The following XKR6 variants were observed in gnomAD, a reference collection of about 807,000 sequenced individuals.
The protein encoded by XKR6 is XK related 6.
In XKR6, 22 loss-of-function variants were observed where a neutral mutation model predicts 56.7. That is an observed-to-expected ratio of 0.39 (90% confidence interval 0.28 to 0.55). The LOEUF (loss-of-function observed/expected upper bound fraction) is 0.55, where lower values mean the gene tolerates loss of function less well. Ranked by LOEUF, XKR6 falls within the 20% of genes least tolerant of loss-of-function variation. XKR6 has a pLI of 0.66. For missense variants in XKR6, 852 were observed against 889.0 expected (o/e 0.96, Z 0.53); for synonymous variants, 524 against 387.8 (o/e 1.35, Z -4.13).
chr8:10,952,479 G>A (rs1439781115), intron 1 of XKR6, among the ~76,000 whole-genome samples: 3 of 152,086 alleles, frequency 2.0e-5, no homozygotes, highest in Non-Finnish European at 4.4e-5. Flanking sequence ...TTTGAGACAG[G>A]GTCTCATTCT....
intron 1 of XKR6, among the ~76,000 whole-genome samples, chr8:11,159,562 C>T (rs576496681): frequency 6.6e-6 from 1 of 152,340 alleles, no homozygotes; most frequent in Admixed American, 6.5e-5. Context: ...TCAGCAGCAT[C>T]AGCTTCAATC....
At chr8:10,928,869 C>A (rs28566988) in intron 1 of XKR6, among the ~76,000 whole-genome samples, 22,929 of 152,274 alleles carry the variant, frequency 0.15, 2,016 homozygotes, top group Non-Finnish European at 0.2. Context: ...CAACTCTTCT[C>A]CCGGACTTGC....
At chr8:10,992,182 G>A (rs1798008355) in intron 1 of XKR6, among the ~76,000 whole-genome samples, 1 of 152,150 alleles carries the variant, frequency 6.6e-6, no homozygotes, top group Non-Finnish European at 1.5e-5. Flanking sequence ...GCTGTCAAAT[G>A]TTTTTAAAGG....
intron 1 of XKR6, among the ~76,000 whole-genome samples, chr8:11,042,401 C>T (rs988004699): frequency 6.6e-6 from 1 of 152,054 alleles, no homozygotes; most frequent in African/African-American, 2.4e-5. Context: ...CAGATTTTTC[C>T]CGTGCTATTC....
At chr8:11,014,048 G>C (rs1335694796) in intron 1 of XKR6, among the ~76,000 whole-genome samples, 1 of 152,206 alleles carries the variant, frequency 6.6e-6, no homozygotes, top group Non-Finnish European at 1.5e-5. Flanking sequence ...GGATTTGTTA[G>C]GCTCTCTAGA....
At chr8:11,061,031 G>A (rs1049249567) in intron 1 of XKR6, among the ~76,000 whole-genome samples, 38 of 152,154 alleles carry the variant, frequency 2.5e-4, no homozygotes, top group Admixed American at 9.8e-4. Context: ...TGAAGCCAAC[G>A]TCTACCTAGG....
intron 1 of XKR6, among the ~76,000 whole-genome samples, chr8:10,946,325 C>T (rs1049548531): frequency 2.0e-5 from 3 of 152,030 alleles, no homozygotes; most frequent in South Asian, 2.1e-4. Flanking sequence ...CACACTCCAC[C>T]GGGGGCTTTG....
rs989442144 is a variant in XKR6, at chr8:10,898,205, G to A, written c.1673C>T (p.Thr558Ile). 2 of 1,614,030 alleles carry A rather than the reference G, an allele frequency of 1.2e-6. No homozygotes were observed. Among genetic ancestry groups the A allele is most frequent in the African/African-American group, 1.3e-5 (1 of 74,920 alleles). ...TCTCACTTGGAAAACAGGCAAGCAA[G>A]TGTCAGCCGTGAGATCCTCCTGTTG... ...TEQQEDLTADTCLPVFQVRPM... is the reference protein window; with the variant it reads ...TEQQEDLTADICLPVFQVRPM... Residue 558 changes from threonine (T) to isoleucine (I), a missense_variant, in exon 3 of 3, where the codon ACT (threonine) becomes ATT (isoleucine). This residue lies in a region of XKR6 where 197 missense variants were observed against 190.9 expected (regional missense o/e 1.03). Transcript: ENST00000416569. The surrounding 1 kb of genome is among the most constrained non-coding windows in gnomAD (Gnocchi z 6.6).
intron 1 of XKR6, among the ~76,000 whole-genome samples, chr8:11,182,630 G>C (rs2898267): frequency 2.0e-5 from 3 of 152,154 alleles, no homozygotes; most frequent in African/African-American, 7.2e-5. Context: ...AAAAGATTTT[G>C]TTTGTTCGTT....
intron 1 of XKR6, chr8:11,035,228 GACA>G (rs1563359185): frequency 1.9e-6 from 1 of 534,776 alleles, no homozygotes; most frequent in Admixed American, 1.9e-5. Flanking sequence ...TGATGACGAT[GACA>G]ACGATGACGT....
intron 1 of XKR6, among the ~76,000 whole-genome samples, chr8:11,033,258 AATG>A (rs976536201): frequency 4.5e-5 from 6 of 131,924 alleles, no homozygotes; most frequent in South Asian, 4.6e-4. Context: ...TGGAGATGCT[AATG>A]ATGATGATGG....
At position 10,967,739 on chromosome 8, in the gene XKR6, G is replaced by C. The variant is rs1247935388; in HGVS notation, c.765-42909C>G. Among the ~76,000 whole-genome samples, 4 of 152,358 alleles carry C rather than the reference G, an allele frequency of 2.6e-5. No homozygotes were observed. In the East Asian group the frequency reaches 7.7e-4, roughly 29 times the overall value. On this transcript the variant is annotated intron_variant, in intron 1 of 2. Transcript: ENST00000416569. ...TTCAGCAGCAAGAAAGCAGGGCAAAGGACCTACAGCGACGTGCTGGAGCTG... is the reference window on the plus strand; with the variant it reads ...TTCAGCAGCAAGAAAGCAGGGCAAACGACCTACAGCGACGTGCTGGAGCTG...
intron 1 of XKR6, among the ~76,000 whole-genome samples, chr8:10,992,324 C>T (rs980088844): frequency 5.9e-5 from 9 of 152,078 alleles, no homozygotes; most frequent in South Asian, 2.1e-4. Flanking sequence ...CACCAGAGAC[C>T]AACAGATTTT....
At chr8:10,952,941 A>G (rs10096511) in intron 1 of XKR6, among the ~76,000 whole-genome samples, 84,926 of 151,612 alleles carry the variant, frequency 0.56, 25,969 homozygotes, top group African/African-American at 0.8. Context: ...ACAGGACTGT[A>G]AACCCTGTTG....
At chr8:11,142,066 T>C (rs1373254136) in intron 1 of XKR6, among the ~76,000 whole-genome samples, 1 of 151,774 alleles carries the variant, frequency 6.6e-6, no homozygotes, top group African/African-American at 2.4e-5. Context: ...AGACAAGTTG[T>C]TCTGAACTTG....
chr8:11,040,114 T>C (rs1799248349), intron 1 of XKR6, among the ~76,000 whole-genome samples: 1 of 151,900 alleles, frequency 6.6e-6, no homozygotes, highest in South Asian at 2.1e-4. Context: ...GGTGAGACCT[T>C]GCAGTAAGGA....
intron 1 of XKR6, among the ~76,000 whole-genome samples, chr8:11,139,927 G>C (rs909591130): frequency 5.9e-5 from 9 of 152,150 alleles, no homozygotes; most frequent in African/African-American, 1.9e-4. Flanking sequence ...CTGAGCTAAA[G>C]TATGTGAAAA....
chr8:11,045,460 G>C (rs993952345), intron 1 of XKR6, among the ~76,000 whole-genome samples: 1 of 152,136 alleles, frequency 6.6e-6, no homozygotes, highest in African/African-American at 2.4e-5. Context: ...AGGGGAGGAT[G>C]GGCAGCTATC....
chr8:11,140,962 T>A (rs1051607639), intron 1 of XKR6, among the ~76,000 whole-genome samples: 6 of 146,246 alleles, frequency 4.1e-5, no homozygotes, highest in Non-Finnish European at 7.5e-5. Flanking sequence ...AAAATCAACA[T>A]CACTCCAAAG....
Sources: allele counts gnomAD v4.1 joint callset (sites outside exome capture counted in the v4.1 genomes callset), GRCh38; gene constraint gnomAD v4.1.1; regional missense constraint gnomAD v4.1.1; non-coding constraint Gnocchi (gnomAD v3.1); transcripts MANE v1.5; gene names NCBI Gene and HGNC (gene_info 2026-07-23, HGNC 2026-07-21).